The following COPS6 variants were observed in gnomAD, a reference collection of about 807,000 sequenced individuals.
COPS6 encodes COP9 signalosome subunit 6, also known as COP9 signalosome complex subunit 6.
Under a neutral mutation model 41.0 loss-of-function variants are expected in COPS6, and 9 were observed. The ratio of observed to expected loss-of-function variants is 0.22; its 90% CI spans 0.13 to 0.38. The LOEUF is 0.38. COPS6 is among the 10% of genes least tolerant of loss of function. The pLI is 1.00. For synonymous variants in COPS6, 179 were observed against 162.9 expected (o/e 1.10, Z -0.75); for missense variants, 302 against 436.7 (o/e 0.69, Z 2.75).
chr7:100,090,394 T>G lies in COPS6; in HGVS notation c.335-5T>G. 6.3e-7 allele frequency: 1 copy of G among 1,599,278 alleles called. No homozygotes were observed. Among genetic ancestry groups the G allele is most frequent in the South Asian group, 1.1e-5 (1 of 90,688 alleles). ...TACTATATGTTCTGGCCCCTTCCCCTCTAGTTAAACAGGTGTTCAAGGAGC... is the reference window on the plus strand; with the variant it reads ...TACTATATGTTCTGGCCCCTTCCCCGCTAGTTAAACAGGTGTTCAAGGAGC... On this transcript the variant is annotated splice_region_variant and splice_polypyrimidine_tract_variant and intron_variant, in intron 3 of 9. Coordinates refer to ENST00000303904, the MANE Select transcript of COPS6 (RefSeq NM_006833.5).
rs1795342165 is a variant in COPS6 at position 100,092,144 on chromosome 7, C to G, written c.*355C>G. On this transcript the variant is annotated 3_prime_UTR_variant, in exon 10 of 10. Transcript: ENST00000303904. ...ACTTTAATGTCACCCTCTACATCAT[C>G]TTACCTAGCCCACCCAACCTTATAA... The G allele has an allele frequency of 4.2e-6, 1 of 239,492 alleles. No homozygotes were observed. Among genetic ancestry groups the G allele is most frequent in the Admixed American group, 5.0e-5 (1 of 20,044 alleles). The allele number at this position is 239,492 out of a possible 1,614,324, so 14.8% of individuals were successfully genotyped here.
In COPS6 at chr7:100,089,005, G is replaced by GGCGGCGGCGGCGGCT. The variant is rs768124617; in HGVS notation, c.23_24insGGCGGCTGCGGCGGC (p.Ala6_Ala10dup). The GGCGGCGGCGGCGGCT allele has an allele frequency of 6.1e-5, 80 of 1,311,382 alleles. No individual in the cohort carries two copies. The South Asian group carries it at 1.0e-3, about 17-fold the overall frequency. 81.2% of individuals were successfully genotyped at this position (1,311,382 alleles called of 1,614,324 possible). A position where few individuals can be genotyped will look rare whatever the true frequency, so the allele number is the denominator to read the frequency against. Reference sequence around the variant, plus strand: ...GCGCGGGGAAAATGGCGGCGGCGGCGGCGGCGGCTGCAGCTACGAACGGGA... The same window carrying GGCGGCGGCGGCGGCT: ...GCGCGGGGAAAATGGCGGCGGCGGCGGCGGCGGCGGCGGCTGCGGCGGCTGCAGCTACGAACGGGA... On this transcript the variant is annotated inframe_insertion, in exon 1 of 10. Transcript: ENST00000303904.
chr7:100,091,300 A>G lies in COPS6; in HGVS notation c.712A>G (p.Ile238Val). 2 of 1,613,810 alleles carry G rather than the reference A, an allele frequency of 1.2e-6. No individual in the cohort carries two copies. The highest frequency in any genetic ancestry group is 1.7e-6 in the Non-Finnish European group (2 of 1,179,686). ...GATGCTGCACAGCCGCGTCAAGCTC[A>G]TCTTGGAGTACGTCAAGGCCTCTGA... Reference protein sequence around the residue: ...IKMLHSRVKLILEYVKASEAG... With the variant: ...IKMLHSRVKLVLEYVKASEAG... Residue 238 changes from isoleucine (I) to valine (V), a missense_variant, in exon 8 of 10, where the codon ATC becomes GTC. Physicochemically the swap from Ile to Val is conservative, Grantham distance 29 (BLOSUM62 3). Around this residue, in one of 3 missense-constraint regions of COPS6, gnomAD observed 222 missense variants for 309.0 expected, o/e 0.72. Transcript: ENST00000303904. This position sits in a 1 kb window ranked among gnomAD's most constrained non-coding sequence, Gnocchi z 4.1.
intron 2 of COPS6, 95 bp from the exon 3 acceptor site, chr7:100,089,520 A>G (rs771318921): frequency 3.1e-6 from 5 of 1,599,220 alleles, no homozygotes; most frequent in Non-Finnish European, 4.3e-6. Context: ...CCCCCAAATC[A>G]TCGTTTCCCC....
intron 3 of COPS6, chr7:100,089,992 A>C: frequency 2.2e-6 from 1 of 465,024 alleles, no homozygotes; most frequent in South Asian, 2.6e-5. Flanking sequence ...GGATTTGAGG[A>C]GGGAGGAGAG....
Position 100,092,120 on chromosome 7 carries a change from C to CCTG in COPS6, c.*331_*332insCTG. The stretch of plus-strand genomic sequence containing the variant: ...CCACCTAAGTGGTCTCTGTTCTACA[C>CCTG]TTTAATGTCACCCTCTACATCATCT... On this transcript the variant is annotated 3_prime_UTR_variant, in exon 10 of 10. Coordinates refer to ENST00000303904, the MANE Select transcript of COPS6 (RefSeq NM_006833.5). The CCTG allele has an allele frequency of 6.5e-6, 2 of 307,548 alleles. No homozygotes were observed. Among genetic ancestry groups the CCTG allele is most frequent in the African/African-American group, 2.1e-5 (1 of 47,094 alleles). The allele number at this position is 307,548 out of a possible 1,614,324, so 19.1% of individuals were successfully genotyped here.
chr7:100,090,347 C>G, intron 3 of COPS6, 52 bp from the exon 4 acceptor site: 4 of 1,296,762 alleles, frequency 3.1e-6, no homozygotes, highest in Non-Finnish European at 4.4e-6. Flanking sequence ...GATTCCGTCT[C>G]AGAAAAAAAA....
intron 3 of COPS6, 34 bp from the exon 4 acceptor site, chr7:100,090,362 AAAG>A (rs1795294701): frequency 8.0e-6 from 12 of 1,495,806 alleles, no homozygotes; most frequent in South Asian, 1.2e-5. Context: ...AAAAAAAAAA[AAAG>A]AATTACTATA....
At chr7:100,090,868 A>G (rs1376933384) in intron 5 of COPS6, 34 bp from the exon 6 acceptor site, 2 of 1,612,782 alleles carry the variant, frequency 1.2e-6, no homozygotes, top group East Asian at 2.2e-5. Flanking sequence ...AAATGTTGGC[A>G]TATAGTGTTC....
At position 100,091,803 on chromosome 7, in the gene COPS6, A is replaced by G; in HGVS notation, c.*14A>G. 3 of 1,614,182 alleles carry G rather than the reference A, an allele frequency of 1.9e-6. No individual in the cohort carries two copies. The highest frequency in any genetic ancestry group is 2.5e-6 in the Non-Finnish European group (3 of 1,179,998). On this transcript the variant is annotated 3_prime_UTR_variant, in exon 10 of 10. Transcript: ENST00000303904. This position sits in a 1 kb window ranked among gnomAD's most constrained non-coding sequence, Gnocchi z 4.1. ...CTCTTTTTCTGATGAGGGTACTTGA[A>G]GGGCTGATGGACAGGGGTCAGGCAA...
In COPS6 at chr7:100,089,401, G is replaced by A; in HGVS notation, c.188G>A (p.Gly63Glu). 6.2e-7 allele frequency: 1 copy of A among 1,614,066 alleles called. No individual in the cohort carries two copies. The highest frequency in any genetic ancestry group is 8.5e-7 in the Non-Finnish European group (1 of 1,180,020). The change falls in exon 2 of 10, where the codon GGG becomes GAG. Residue 63 changes from glycine to glutamate, a missense_variant. Transcript: ENST00000303904. ...DHWIRMRSQEGRPVQVIGALI... is the reference protein window; with the variant it reads ...DHWIRMRSQEERPVQVIGALI... ...TGGATCCGCATGCGCTCCCAGGAGGGGCGGCCTGTGCAGGGTGAGTGTTGG... is the reference window on the plus strand; with the variant it reads ...TGGATCCGCATGCGCTCCCAGGAGGAGCGGCCTGTGCAGGGTGAGTGTTGG...
At position 100,089,008 on chromosome 7, in the gene COPS6, G is replaced by GGCGGCTGCA. The variant is rs1795273232; in HGVS notation, c.21_29dup (p.Ala8_Ala10dup). 1.5e-6 allele frequency: 2 copies of GGCGGCTGCA among 1,311,712 alleles called. No homozygotes were observed. The highest frequency in any genetic ancestry group is 6.2e-5 in the East Asian group (2 of 32,302). The allele number at this position is 1,311,712 out of a possible 1,614,324, so 81.3% of individuals were successfully genotyped here. The stretch of plus-strand genomic sequence containing the variant: ...CGGGGAAAATGGCGGCGGCGGCGGC[G>GGCGGCTGCA]GCGGCTGCAGCTACGAACGGGACCG... On this transcript the variant is annotated inframe_insertion, in exon 1 of 10. Coordinates refer to ENST00000303904, the MANE Select transcript of COPS6 (RefSeq NM_006833.5).
intron 3 of COPS6, chr7:100,090,069 G>A (rs549663814): frequency 1.4e-5 from 6 of 438,152 alleles, no homozygotes; most frequent in Non-Finnish European, 2.5e-5. Flanking sequence ...ACTATGTCAG[G>A]CCGGGCTCAG....
Position 100,091,029 on chromosome 7 carries a change from G to A in COPS6, c.535-9G>A. 6.2e-7 allele frequency: 1 copy of A among 1,614,130 alleles called. No individual in the cohort carries two copies. The highest frequency in any genetic ancestry group is 1.1e-5 in the South Asian group (1 of 91,076). ...TGATTCTCCCTTTGTGGGTTACCTT[G>A]CCCTGTAGGCCACAATGCTGTTTGC... On this transcript the variant is annotated splice_polypyrimidine_tract_variant and intron_variant, in intron 6 of 9. Transcript: ENST00000303904. This position sits in a 1 kb window ranked among gnomAD's most constrained non-coding sequence, Gnocchi z 4.1.
chr7:100,090,680 G>T, intron 5 of COPS6, 26 bp downstream of exon 5: 6 of 1,604,688 alleles, frequency 3.7e-6, no homozygotes, highest in Non-Finnish European at 4.3e-6. Flanking sequence ...TGCCTACTCT[G>T]TCATGATTGT....
At position 100,091,316 on chromosome 7, in the gene COPS6, A is replaced by G. The variant is rs749963870; in HGVS notation, c.728A>G (p.Lys243Arg). 10 of 1,614,204 alleles carry G rather than the reference A, an allele frequency of 6.2e-6. No individual in the cohort carries two copies. The East Asian group carries it at 2.0e-4, about 32-fold the overall frequency. Residue 243 changes from lysine to arginine, a missense_variant, in exon 8 of 10, where the codon AAG (lysine) becomes AGG (arginine). Physicochemically the swap from Lys to Arg is conservative, Grantham distance 26. Coordinates refer to ENST00000303904, the MANE Select transcript of COPS6 (RefSeq NM_006833.5). The surrounding 1 kb of genome is among the most constrained non-coding windows in gnomAD (Gnocchi z 4.1). ...GTCAAGCTCATCTTGGAGTACGTCA[A>G]GGCCTCTGAAGCGGGTAGGACAGGG... is the stretch of plus-strand genomic sequence containing the variant. ...SRVKLILEYV[K>R]ASEAGEVPFN...
rs572794934 is a variant in COPS6, at chr7:100,091,968, C to G, written c.*179C>G. On this transcript the variant is annotated 3_prime_UTR_variant, in exon 10 of 10. Transcript: ENST00000303904. The surrounding 1 kb of genome is among the most constrained non-coding windows in gnomAD (Gnocchi z 4.1). ...CTGGTTGGTCAACTTGGATGTTCAT[C>G]GAGGCTCATTCTGGCCTTGCTCAGA... 4.2e-6 allele frequency: 3 copies of G among 722,012 alleles called. No homozygotes were observed. The highest frequency in any genetic ancestry group is 6.7e-6 in the Non-Finnish European group (3 of 446,824). 44.7% of individuals were successfully genotyped at this position (722,012 alleles called of 1,614,324 possible).
Position 100,091,810 on chromosome 7 carries a change from A to T in COPS6, c.*21A>T, listed in dbSNP as rs368365967. 2.0e-4 allele frequency: 325 copies of T among 1,614,124 alleles called. 1 individual carries two copies. The highest frequency in any genetic ancestry group is 3.3e-4 in the Middle Eastern group (2 of 6,062). On this transcript the variant is annotated 3_prime_UTR_variant, in exon 10 of 10. Coordinates refer to ENST00000303904, the MANE Select transcript of COPS6 (RefSeq NM_006833.5). This position sits in a 1 kb window ranked among gnomAD's most constrained non-coding sequence, Gnocchi z 4.1. ...TCTGATGAGGGTACTTGAAGGGCTG[A>T]TGGACAGGGGTCAGGCAACTATCCC...
intron 2 of COPS6, 39 bp downstream of exon 2, chr7:100,089,454 T>C (rs1379277328): frequency 6.2e-7 from 1 of 1,612,970 alleles, no homozygotes; most frequent in South Asian, 1.1e-5. Context: ...TTCTCCTTGC[T>C]CACCTCCCCC....
Sources: allele counts gnomAD v4.1 joint callset, GRCh38; gene constraint gnomAD v4.1.1; regional missense constraint gnomAD v4.1.1; non-coding constraint Gnocchi (gnomAD v3.1); transcripts MANE v1.5; gene names NCBI Gene and HGNC (gene_info 2026-07-23, HGNC 2026-07-21).